Variants in FZD6 observed in about 807,000 individuals in gnomAD.
FZD6 encodes frizzled class receptor 6.
Under a neutral mutation model 61.4 loss-of-function variants are expected in FZD6, and 49 were observed. The ratio of observed to expected loss-of-function variants is 0.80; its 90% CI spans 0.63 to 1.01. The LOEUF is 1.01. FZD6 is among the 50% of genes least tolerant of loss of function. FZD6 has a pLI of 0.00. For synonymous variants in FZD6, 265 were observed against 292.2 expected (o/e 0.91, Z 0.95); for missense variants, 724 against 848.2 (o/e 0.85, Z 1.82).
intron 2 of FZD6, among the ~76,000 whole-genome samples, chr8:103,313,089 C>G (rs1401363878): frequency 6.6e-6 from 1 of 152,068 alleles, no homozygotes; most frequent in Non-Finnish European, 1.5e-5. Context: ...AGGTTCATAT[C>G]CTAGTTCTGC....
At chr8:103,326,481 TA>T (rs1189163446) in intron 4 of FZD6, among the ~76,000 whole-genome samples, 2 of 152,118 alleles carry the variant, frequency 1.3e-5, no homozygotes, top group African/African-American at 4.8e-5. Flanking sequence ...GAGAGGAAAC[TA>T]TTACATATTA....
At position 103,314,464 on chromosome 8, in the gene FZD6, C is replaced by T. The variant is rs544443405; in HGVS notation, c.178-4126C>T. On this transcript the variant is annotated intron_variant, in intron 2 of 6. Coordinates refer to ENST00000358755, the MANE Select transcript of FZD6 (RefSeq NM_003506.4). ...AGGATTTGCACACTGTCTGGGCACT[C>T]TCTCCCCTTCACGATGGAGGAAACT... Among the ~76,000 whole-genome samples the T allele has an allele frequency of 3.9e-5, 6 of 152,256 alleles. No individual in the cohort carries two copies. The East Asian group carries it at 1.2e-3, about 29-fold the overall frequency.
In FZD6 at chr8:103,300,250, A is replaced by G; in HGVS notation, c.143A>G (p.His48Arg). The change falls in exon 2 of 7, where the codon CAT becomes CGT. Residue 48 changes from histidine to arginine, a missense_variant. Physicochemically the swap from His to Arg is conservative, Grantham distance 29. Coordinates refer to ENST00000358755, the MANE Select transcript of FZD6 (RefSeq NM_003506.4). ...NMTFFPNLMGHYDQSIAAVEM... is the reference protein window; with the variant it reads ...NMTFFPNLMGRYDQSIAAVEM... ...ACGTTTTTCCCTAATCTGATGGGTC[A>G]TTATGACCAGAGTATTGCCGCGGTG... The G allele has an allele frequency of 6.2e-7, 1 of 1,612,662 alleles. No individual in the cohort carries two copies. The highest frequency in any genetic ancestry group is 8.5e-7 in the Non-Finnish European group (1 of 1,178,638).
chr8:103,327,550 C>A (rs1396799755), intron 4 of FZD6, among the ~76,000 whole-genome samples: 1 of 152,140 alleles, frequency 6.6e-6, no homozygotes, highest in African/African-American at 2.4e-5. Context: ...GAGCTGAGAT[C>A]ACGCCACTGC....
intron 2 of FZD6, among the ~76,000 whole-genome samples, chr8:103,306,914 A>G (rs1814351453): frequency 6.6e-6 from 1 of 152,178 alleles, no homozygotes; most frequent in African/African-American, 2.4e-5. Flanking sequence ...CAAGAAATAT[A>G]GCTTTTCTCA....
chr8:103,305,772 A>C (rs1315661638), intron 2 of FZD6, among the ~76,000 whole-genome samples: 1 of 152,180 alleles, frequency 6.6e-6, no homozygotes, highest in East Asian at 1.9e-4. Flanking sequence ...AAGTCCCTTG[A>C]CTCCTTCTTT....
chr8:103,326,096 C>G (rs1399707361), intron 4 of FZD6, among the ~76,000 whole-genome samples: 1 of 151,930 alleles, frequency 6.6e-6, no homozygotes, highest in Non-Finnish European at 1.5e-5. Context: ...TTTCTTAAAG[C>G]ATTTTAGTTG....
intron 3 of FZD6, among the ~76,000 whole-genome samples, chr8:103,319,763 G>A (rs1230677098): frequency 1.3e-5 from 2 of 152,218 alleles, no homozygotes; most frequent in African/African-American, 2.4e-5. Flanking sequence ...GGACATGTCA[G>A]GTGCTGCCAG....
intron 2 of FZD6, among the ~76,000 whole-genome samples, chr8:103,318,278 CTG>C (rs1814686977): frequency 6.6e-6 from 1 of 152,160 alleles, no homozygotes; most frequent in Non-Finnish European, 1.5e-5. Context: ...CTAGGAGTCA[CTG>C]TGTCGATTGC....
At chr8:103,303,630 A>G (rs1814237241) in intron 2 of FZD6, among the ~76,000 whole-genome samples, 1 of 152,212 alleles carries the variant, frequency 6.6e-6, no homozygotes, top group Admixed American at 6.5e-5. Flanking sequence ...ATAAGGTAGC[A>G]AAGGGAATTT....
At chr8:103,330,170 C>A in intron 6 of FZD6, 105 bp downstream of exon 6, 1 of 1,031,360 alleles carries the variant, frequency 9.7e-7, no homozygotes, top group Non-Finnish European at 1.5e-6. Flanking sequence ...TATATTATGT[C>A]TGTACTCTTA....
chr8:103,318,578 T>G lies in FZD6; in HGVS notation c.178-12T>G, dbSNP rs1320377107. On this transcript the variant is annotated splice_polypyrimidine_tract_variant and intron_variant, in intron 2 of 6. Coordinates refer to ENST00000358755, the MANE Select transcript of FZD6 (RefSeq NM_003506.4). Reference sequence around the variant, plus strand: ...AAAATGTTTTCTAACTGTATCTTGATGTCTTTAATAGCATTTTCTTCCTCT... The same window carrying G: ...AAAATGTTTTCTAACTGTATCTTGAGGTCTTTAATAGCATTTTCTTCCTCT... 5 of 1,467,558 alleles carry G rather than the reference T, an allele frequency of 3.4e-6. No homozygotes were observed. The highest frequency in any genetic ancestry group is 3.8e-6 in the Non-Finnish European group (4 of 1,046,306). 90.9% of individuals were successfully genotyped at this position (1,467,558 alleles called of 1,614,324 possible).
At position 103,331,858 on chromosome 8, in the gene FZD6, T is replaced by A. The variant is rs1586534107; in HGVS notation, c.*349T>A. The A allele has an allele frequency of 4.5e-6, 1 of 222,158 alleles. No homozygotes were observed. The allele number at this position is 222,158 out of a possible 1,614,324, so 13.8% of individuals were successfully genotyped here. A position where few individuals can be genotyped will look rare whatever the true frequency, so the allele number is the denominator to read the frequency against. On this transcript the variant is annotated 3_prime_UTR_variant, in exon 7 of 7. Transcript: ENST00000358755. Reference sequence around the variant, plus strand: ...TTACTTTTTTGATATAAAATCAAGATATTTCTTTGCTGAAGTATTTAAATC... The same window carrying A: ...TTACTTTTTTGATATAAAATCAAGAAATTTCTTTGCTGAAGTATTTAAATC...
intron 5 of FZD6, among the ~76,000 whole-genome samples, chr8:103,329,411 C>CTT (rs77827018): frequency 6.6e-6 from 1 of 151,918 alleles, no homozygotes; most frequent in African/African-American, 2.4e-5. Flanking sequence ...TGATTCTTGC[C>CTT]TTAATTTCTT....
chr8:103,303,641 T>C (rs573561426), intron 2 of FZD6, among the ~76,000 whole-genome samples: 1 of 152,324 alleles, frequency 6.6e-6, no homozygotes, highest in Non-Finnish European at 1.5e-5. Flanking sequence ...AAGGGAATTT[T>C]CCCTCCAAAT....
rs77756861 is a variant in FZD6, at chr8:103,319,881, A to G, written c.374+1095A>G. Among the ~76,000 whole-genome samples, 956 of 152,328 alleles carry G rather than the reference A, an allele frequency of 6.3e-3. 8 individuals carry two copies. The highest frequency in any genetic ancestry group is 0.021 in the African/African-American group (888 of 41,574). On this transcript the variant is annotated intron_variant, in intron 3 of 6. Coordinates refer to ENST00000358755, the MANE Select transcript of FZD6 (RefSeq NM_003506.4). Reference sequence around the variant, plus strand: ...AAGTAAAGCCAGAAACAGAGTTCTTAGGGAAGCTGGCTATAAAAGAGGAAA... The same window carrying G: ...AAGTAAAGCCAGAAACAGAGTTCTTGGGGAAGCTGGCTATAAAAGAGGAAA...
intron 2 of FZD6, among the ~76,000 whole-genome samples, chr8:103,309,530 C>G (rs1429882412): frequency 6.6e-6 from 1 of 152,178 alleles, no homozygotes; most frequent in Admixed American, 6.5e-5. Context: ...TCCCCTTGAT[C>G]TGCAGTATTG....
At position 103,331,788 on chromosome 8, in the gene FZD6, A is replaced by G; in HGVS notation, c.*279A>G. On this transcript the variant is annotated 3_prime_UTR_variant, in exon 7 of 7. Coordinates refer to ENST00000358755, the MANE Select transcript of FZD6 (RefSeq NM_003506.4). ...AGGAATCTTCCTTTTCTATTTATGA[A>G]GATTCTACTCTTGGTAAGAGTATTT... 1 of 369,304 alleles carries G rather than the reference A, an allele frequency of 2.7e-6. No homozygotes were observed. Among genetic ancestry groups the G allele is most frequent in the Non-Finnish European group, 5.1e-6 (1 of 197,122 alleles). The allele number at this position is 369,304 out of a possible 1,614,324, so 22.9% of individuals were successfully genotyped here. A position where few individuals can be genotyped will look rare whatever the true frequency, so the allele number is the denominator to read the frequency against.
At chr8:103,322,589 T>C (rs994574326) in intron 3 of FZD6, among the ~76,000 whole-genome samples, 3 of 152,170 alleles carry the variant, frequency 2.0e-5, no homozygotes, top group Non-Finnish European at 4.4e-5. Context: ...TAGTCTTGAT[T>C]AATTTTTTTT....
Sources: gnomAD v4.1 joint callset for allele counts (sites outside exome capture counted in the v4.1 genomes callset) on GRCh38, gnomAD v4.1.1 for gene constraint, MANE v1.5 for transcripts, NCBI Gene and HGNC (gene_info 2026-07-23, HGNC 2026-07-21) for gene names.